The following HUNK variants were observed in gnomAD, a reference collection of about 807,000 sequenced individuals.
The protein encoded by HUNK is hormonally up-regulated Neu-associated kinase.
In HUNK, 21 loss-of-function variants were observed where a neutral mutation model predicts 61.0. The observed-to-expected ratio is 0.34, with a 90% CI of 0.24 to 0.50. The LOEUF is 0.50. Among genes scored for constraint, HUNK ranks in the 20% least tolerant of loss-of-function variants. The pLI is 0.98. For synonymous variants in HUNK, 371 were observed against 386.1 expected (o/e 0.96, Z 0.46); for missense variants, 772 against 945.7 (o/e 0.82, Z 2.41).
At chr21:31,876,728 C>T (rs934645307) in intron 1 of HUNK, among the ~76,000 whole-genome samples, 2 of 152,088 alleles carry the variant, frequency 1.3e-5, no homozygotes, top group African/African-American at 4.8e-5. Flanking sequence ...CCCAGGGAGG[C>T]CTCTCTCCCT....
At chr21:31,983,028 C>G (rs543308534) in intron 7 of HUNK, among the ~76,000 whole-genome samples, 2 of 152,162 alleles carry the variant, frequency 1.3e-5, no homozygotes, top group Non-Finnish European at 2.9e-5. Flanking sequence ...GTCTCGAACT[C>G]CTGACCTCAG....
chr21:31,937,696 G>A (rs2052741487), intron 2 of HUNK, among the ~76,000 whole-genome samples: 1 of 152,308 alleles, frequency 6.6e-6, no homozygotes, highest in South Asian at 2.1e-4. Flanking sequence ...ACCTTTTAAT[G>A]TATGGTCTTA....
rs1408012903 is a variant in HUNK, at chr21:31,990,388, G to A, written c.1305+212G>A. Among the ~76,000 whole-genome samples the A allele has an allele frequency of 2.0e-5, 3 of 151,840 alleles. 1 individual carries two copies. Among genetic ancestry groups the A allele is most frequent in the Non-Finnish European group, 4.4e-5 (3 of 67,974 alleles). The stretch of plus-strand genomic sequence containing the variant: ...CAGCTTCAAGTCTGAAGGCCATCTA[G>A]AGGCAGAATTTCTTTTGCCAGAAGA... On this transcript the variant is annotated intron_variant, in intron 9 of 10. Coordinates refer to ENST00000270112, the MANE Select transcript of HUNK (RefSeq NM_014586.2).
chr21:31,936,624 A>T (rs940884952), intron 2 of HUNK, among the ~76,000 whole-genome samples: 1 of 152,190 alleles, frequency 6.6e-6, no homozygotes. Flanking sequence ...GGGTGGGAAG[A>T]TAGTGACTTT....
intron 3 of HUNK, among the ~76,000 whole-genome samples, chr21:31,943,456 G>A (rs528670375): frequency 2.6e-5 from 4 of 152,278 alleles, no homozygotes; most frequent in African/African-American, 9.6e-5. Flanking sequence ...ATTGCTGGGA[G>A]GTGGCCTTCT....
intron 1 of HUNK, among the ~76,000 whole-genome samples, chr21:31,902,893 A>G (rs1350670988): frequency 6.6e-6 from 1 of 152,172 alleles, no homozygotes; most frequent in African/African-American, 2.4e-5. Flanking sequence ...AAGCTCTCAC[A>G]CTATTAATCT....
At chr21:31,994,897 T>C (rs1326845293) in intron 9 of HUNK, among the ~76,000 whole-genome samples, 1 of 152,240 alleles carries the variant, frequency 6.6e-6, no homozygotes, top group Non-Finnish European at 1.5e-5. Flanking sequence ...CTCACATCTA[T>C]AGTCCCAGCA....
intron 2 of HUNK, among the ~76,000 whole-genome samples, chr21:31,937,558 C>T (rs557165431): frequency 6.6e-6 from 1 of 152,312 alleles, no homozygotes; most frequent in East Asian, 1.9e-4. Context: ...CCTGAAAGAT[C>T]ATGTTACATT....
At chr21:31,996,756 G>C (rs1165039837) in intron 10 of HUNK, among the ~76,000 whole-genome samples, 1 of 152,198 alleles carries the variant, frequency 6.6e-6, no homozygotes, top group Non-Finnish European at 1.5e-5. Context: ...GTGGCTGTCT[G>C]AGATACACTC....
intron 4 of HUNK, among the ~76,000 whole-genome samples, chr21:31,954,973 G>T (rs189527762): frequency 1.0e-3 from 153 of 152,086 alleles, no homozygotes; most frequent in African/African-American, 3.6e-3. Flanking sequence ...TGTAGAAATG[G>T]GGTCTCACCA....
At chr21:31,979,238 T>A (rs1457714446) in intron 7 of HUNK, among the ~76,000 whole-genome samples, 1 of 151,400 alleles carries the variant, frequency 6.6e-6, no homozygotes, top group Non-Finnish European at 1.5e-5. Flanking sequence ...CCTGCCTCAG[T>A]CTCCTGAGTA....
intron 1 of HUNK, among the ~76,000 whole-genome samples, chr21:31,922,686 T>C (rs2052630921): frequency 6.6e-6 from 1 of 152,242 alleles, no homozygotes; most frequent in South Asian, 2.1e-4. Flanking sequence ...ATGCTGTACA[T>C]TGGATCTCAG....
At chr21:31,933,753 C>T (rs1432430795) in intron 2 of HUNK, among the ~76,000 whole-genome samples, 1 of 150,662 alleles carries the variant, frequency 6.6e-6, no homozygotes, top group African/African-American at 2.5e-5. Flanking sequence ...CCACTGCACT[C>T]CAGCCTGGGG....
chr21:31,953,448 G>A (rs1030281794), intron 4 of HUNK, among the ~76,000 whole-genome samples: 1 of 152,114 alleles, frequency 6.6e-6, no homozygotes, highest in African/African-American at 2.4e-5. Context: ...TGGTCAGGCT[G>A]GTGTCGAACT....
At chr21:31,949,097 G>A (rs541314103) in intron 4 of HUNK, among the ~76,000 whole-genome samples, 15 of 152,334 alleles carry the variant, frequency 9.8e-5, no homozygotes, top group African/African-American at 3.4e-4. Context: ...ACTGCCTAGA[G>A]GCACACACGA....
chr21:31,903,141 T>C (rs1168026954), intron 1 of HUNK, among the ~76,000 whole-genome samples: 1 of 152,130 alleles, frequency 6.6e-6, no homozygotes, highest in Non-Finnish European at 1.5e-5. Flanking sequence ...GGATAACTTA[T>C]GCTTGACCCA....
intron 5 of HUNK, among the ~76,000 whole-genome samples, chr21:31,967,072 G>A (rs2052972351): frequency 6.6e-6 from 1 of 152,100 alleles, no homozygotes; most frequent in South Asian, 2.1e-4. Flanking sequence ...TCATGGGTTG[G>A]GTGTGGTGGC....
At chr21:31,952,656 T>C (rs1281796358) in intron 4 of HUNK, among the ~76,000 whole-genome samples, 1 of 152,306 alleles carries the variant, frequency 6.6e-6, no homozygotes, top group African/African-American at 2.4e-5. Flanking sequence ...GGCTTTTGAC[T>C]TAACTCCAAG....
chr21:31,943,111 A>T (rs558227047), intron 3 of HUNK, among the ~76,000 whole-genome samples: 2 of 151,966 alleles, frequency 1.3e-5, no homozygotes, highest in African/African-American at 2.4e-5. Context: ...AAAGGTGATT[A>T]TAGCTATTAT....
Sources: gnomAD v4.1 joint callset for allele counts (sites outside exome capture counted in the v4.1 genomes callset) on GRCh38, gnomAD v4.1.1 for gene constraint, MANE v1.5 for transcripts, NCBI Gene and HGNC (gene_info 2026-07-23, HGNC 2026-07-21) for gene names.